The following EPHB1 variants were observed in gnomAD, a reference collection of about 807,000 sequenced individuals.
EPHB1 encodes the protein ephrin type-B receptor 1.
In EPHB1, 30 loss-of-function variants were observed where a neutral mutation model predicts 94.4. The observed-to-expected ratio is 0.32, with a 90% CI of 0.24 to 0.43. The LOEUF (loss-of-function observed/expected upper bound fraction) is 0.43, where lower values mean the gene tolerates loss of function less well. EPHB1 is among the 20% of genes least tolerant of loss of function. EPHB1 has a pLI of 1.00. For synonymous variants in EPHB1, 522 were observed against 489.1 expected (o/e 1.07, Z -0.89); for missense variants, 1,055 against 1,308.3 (o/e 0.81, Z 2.99).
chr3:134,916,693 G>A lies in EPHB1; in HGVS notation c.59-9123G>A, dbSNP rs952056445. Among the ~76,000 whole-genome samples the A allele has an allele frequency of 5.3e-5, 8 of 152,198 alleles. No homozygotes were observed. In the East Asian group the frequency reaches 9.6e-4, roughly 18 times the overall value. The stretch of plus-strand genomic sequence containing the variant: ...GAGCCCACGCCCACCCGGAACTGGC[G>A]CTGGCCCACAAGAGCTGCACACAGC... On this transcript the variant is annotated intron_variant, in intron 1 of 15. Transcript: ENST00000398015.
intron 15 of EPHB1, among the ~76,000 whole-genome samples, chr3:135,257,674 T>C (rs950411549): frequency 2.0e-5 from 3 of 149,690 alleles, no homozygotes; most frequent in African/African-American, 7.4e-5. Context: ...TCTTTTTGTT[T>C]GTCTGTGCCC....
chr3:135,082,359 G>C (rs1938195333), intron 3 of EPHB1, among the ~76,000 whole-genome samples: 1 of 152,238 alleles, frequency 6.6e-6, no homozygotes, highest in African/African-American at 2.4e-5. Flanking sequence ...ACCAAATGAT[G>C]ATGACGATGA....
chr3:135,198,954 C>T (rs563972534), intron 11 of EPHB1, among the ~76,000 whole-genome samples: 1 of 152,282 alleles, frequency 6.6e-6, no homozygotes, highest in Admixed American at 6.5e-5. Flanking sequence ...CTGGACCTTT[C>T]CTCATTTCTT....
intron 3 of EPHB1, among the ~76,000 whole-genome samples, chr3:134,980,905 C>G (rs985347560): frequency 1.3e-5 from 2 of 152,162 alleles, no homozygotes; most frequent in Non-Finnish European, 2.9e-5. Flanking sequence ...AATAAAGGTA[C>G]TAGGAACCTT....
intron 1 of EPHB1, among the ~76,000 whole-genome samples, chr3:134,797,817 T>C (rs2035859949): frequency 6.6e-6 from 1 of 151,822 alleles, no homozygotes; most frequent in African/African-American, 2.4e-5. Context: ...GGGCTGAAAA[T>C]CTCTCCAGCA....
chr3:135,115,150 G>C (rs1243345121), intron 4 of EPHB1, among the ~76,000 whole-genome samples: 1 of 152,170 alleles, frequency 6.6e-6, no homozygotes, highest in Non-Finnish European at 1.5e-5. Flanking sequence ...TTAACGTGAA[G>C]TGCATCCATG....
chr3:135,130,897 G>T (rs1195465605), intron 4 of EPHB1, among the ~76,000 whole-genome samples: 1 of 152,212 alleles, frequency 6.6e-6, no homozygotes, highest in Non-Finnish European at 1.5e-5. Context: ...ACTAACAAGA[G>T]TTGCGTTGAC....
At chr3:134,909,270 G>T (rs1229808795) in intron 1 of EPHB1, among the ~76,000 whole-genome samples, 2 of 152,188 alleles carry the variant, frequency 1.3e-5, no homozygotes, top group Admixed American at 6.5e-5. Flanking sequence ...ACACAACAAG[G>T]ACCAAGGAAA....
At chr3:134,886,508 C>G (rs542181787) in intron 1 of EPHB1, among the ~76,000 whole-genome samples, 1 of 152,094 alleles carries the variant, frequency 6.6e-6, no homozygotes, top group South Asian at 2.1e-4. Flanking sequence ...TGGGATGTTG[C>G]AAAGGTGAAA....
chr3:135,131,801 A>C (rs1249597731), intron 4 of EPHB1, among the ~76,000 whole-genome samples: 1 of 152,216 alleles, frequency 6.6e-6, no homozygotes, highest in African/African-American at 2.4e-5. Flanking sequence ...TGTGAGTCCC[A>C]GTGAGCCTGT....
chr3:134,981,933 G>C (rs184517721), intron 3 of EPHB1, among the ~76,000 whole-genome samples: 101 of 152,270 alleles, frequency 6.6e-4, no homozygotes, highest in African/African-American at 1.6e-3. Flanking sequence ...TTATTATTGA[G>C]CCCTTACAAT....
At chr3:134,869,298 C>T (rs796783530) in intron 1 of EPHB1, among the ~76,000 whole-genome samples, 12 of 152,252 alleles carry the variant, frequency 7.9e-5, no homozygotes, top group African/African-American at 1.9e-4. Context: ...TAAACAGTGC[C>T]GTGGATCTGG....
chr3:134,876,151 C>G (rs1478897572), intron 1 of EPHB1, among the ~76,000 whole-genome samples: 2 of 152,180 alleles, frequency 1.3e-5, no homozygotes, highest in Admixed American at 1.3e-4. Flanking sequence ...CCCACTTCCC[C>G]AGCCTTATCC....
At chr3:134,859,631 C>T (rs764562777) in intron 1 of EPHB1, among the ~76,000 whole-genome samples, 5 of 152,198 alleles carry the variant, frequency 3.3e-5, no homozygotes, top group Non-Finnish European at 5.9e-5. Flanking sequence ...AGCTTCAAGA[C>T]CCTGGCTTCT....
rs117434722 is a variant in EPHB1, at chr3:134,872,655, A to G, written c.59-53161A>G. Among the ~76,000 whole-genome samples the G allele has an allele frequency of 5.4e-4, 83 of 152,332 alleles. 1 individual carries two copies. In the East Asian group the frequency reaches 0.016, roughly 29 times the overall value. ...GCTTTCTTGACATCCAATTTACTCAATTACATGAGTGATCATGTCACTCCC... is the reference window on the plus strand; with the variant it reads ...GCTTTCTTGACATCCAATTTACTCAGTTACATGAGTGATCATGTCACTCCC... On this transcript the variant is annotated intron_variant, in intron 1 of 15. Coordinates refer to ENST00000398015, the MANE Select transcript of EPHB1 (RefSeq NM_004441.5).
intron 1 of EPHB1, among the ~76,000 whole-genome samples, chr3:134,900,085 C>T (rs1196992295): frequency 6.6e-6 from 1 of 152,144 alleles, no homozygotes; most frequent in Non-Finnish European, 1.5e-5. Flanking sequence ...GCAGTATATA[C>T]TGAGGCTTTG....
At chr3:135,095,382 C>T (rs1287235663) in intron 3 of EPHB1, among the ~76,000 whole-genome samples, 1 of 152,122 alleles carries the variant, frequency 6.6e-6, no homozygotes, top group Non-Finnish European at 1.5e-5. Flanking sequence ...AGACACTTCT[C>T]TTCTAGATAG....
intron 3 of EPHB1, among the ~76,000 whole-genome samples, chr3:135,089,453 A>G (rs1212842339): frequency 6.6e-6 from 1 of 152,280 alleles, no homozygotes; most frequent in Non-Finnish European, 1.5e-5. Flanking sequence ...AATTGTTATT[A>G]ATACCAACAC....
intron 1 of EPHB1, among the ~76,000 whole-genome samples, chr3:134,825,266 T>C (rs1490674504): frequency 6.6e-6 from 1 of 152,208 alleles, no homozygotes; most frequent in Non-Finnish European, 1.5e-5. Flanking sequence ...CATCTGTCAG[T>C]TTTAGAAGCT....
Sources: gnomAD v4.1 joint callset for allele counts (sites outside exome capture counted in the v4.1 genomes callset) on GRCh38, gnomAD v4.1.1 for gene constraint, MANE v1.5 for transcripts, NCBI Gene and HGNC (gene_info 2026-07-23, HGNC 2026-07-21) for gene names.